Variants in SDK1 observed in about 807,000 individuals in gnomAD.
SDK1 encodes protein sidekick-1.
A neutral mutation model predicts 245.5 loss-of-function variants in SDK1; 157 were observed. The ratio of observed to expected loss-of-function variants is 0.64; its 90% confidence interval spans 0.56 to 0.73. The LOEUF is 0.73. Among genes scored for constraint, SDK1 ranks in the 30% least tolerant of loss-of-function variants. The pLI, the probability that SDK1 is intolerant of heterozygous loss-of-function variation, is 0.00. For missense variants in SDK1, 3,583 were observed against 3,002.3 expected, an observed-to-expected ratio of 1.19 and a Z score of -4.52; for synonymous variants, 1,647 against 1,278.5, an observed-to-expected ratio of 1.29 and a Z score of -6.15.
rs78289472 is a variant in SDK1 at position 3,738,296 on chromosome 7, A to G, written c.714-83154A>G. ...TGCAGTTTTCCCAATGCCATTTACT[A>G]GAGACTGTCCTTTATCCATTGAATG... On this transcript the variant is annotated intron_variant, in intron 4 of 44. Transcript: ENST00000404826. Among the ~76,000 whole-genome samples, 526 of 152,348 alleles carry G rather than the reference A, an allele frequency of 3.5e-3. 5 individuals are homozygous for G. The highest frequency in any genetic ancestry group is 0.012 in the African/African-American group (506 of 41,574).
intron 1 of SDK1, among the ~76,000 whole-genome samples, chr7:3,433,824 C>T (rs1215891931): frequency 6.6e-6 from 1 of 152,170 alleles, no homozygotes; most frequent in Non-Finnish European, 1.5e-5. Flanking sequence ...ACAAGCTTGA[C>T]AACCTTACAG....
rs560908580 is a variant in SDK1, at chr7:3,814,697, C to G, written c.714-6753C>G. 7.5e-3 allele frequency among the ~76,000 whole-genome samples: 1,138 copies of G among 151,822 alleles called. 37 individuals are homozygous for G. The highest frequency in any genetic ancestry group is 0.019 in the East Asian group (95 of 5,132). On this transcript the variant is annotated intron_variant, in intron 4 of 44. Coordinates refer to ENST00000404826, the MANE Select transcript of SDK1 (RefSeq NM_152744.4). ...GGATGGCATTGAATCTGTAAATTAC[C>G]TTGGGCAGTATGGCCATTTTCACGA...
rs180935195 is a variant in SDK1, at chr7:3,600,585, C to T, written c.299-18495C>T. On this transcript the variant is annotated intron_variant, in intron 1 of 44. Transcript: ENST00000404826. ...TTTTTTTTTTTTTGAGATGGAGTCT[C>T]GCCCTGTTGCCTAGGCTGGAGTGCA... Among the ~76,000 whole-genome samples, 338 of 132,028 alleles carry T rather than the reference C, an allele frequency of 2.6e-3. 3 individuals carry two copies. Among genetic ancestry groups the T allele is most frequent in the African/African-American group, 9.4e-3 (320 of 34,008 alleles). 86.6% of individuals were successfully genotyped at this position (132,028 alleles called of 152,430 possible).
intron 1 of SDK1, among the ~76,000 whole-genome samples, chr7:3,580,354 A>G (rs956627602): frequency 1.2e-4 from 19 of 152,218 alleles, no homozygotes; most frequent in African/African-American, 4.3e-4. Context: ...AAACAAAAAG[A>G]GCAAAGCTGG....
At chr7:3,423,694 A>G (rs1314531369) in intron 1 of SDK1, among the ~76,000 whole-genome samples, 1 of 151,702 alleles carries the variant, frequency 6.6e-6, no homozygotes, top group Admixed American at 6.6e-5. Flanking sequence ...TTTGCTTTTG[A>G]TATCTGAATG....
At chr7:3,548,475 A>C (rs558378528) in intron 1 of SDK1, among the ~76,000 whole-genome samples, 1 of 152,216 alleles carries the variant, frequency 6.6e-6, no homozygotes, top group Non-Finnish European at 1.5e-5. Flanking sequence ...GAGAGGAGAG[A>C]AACATTTTCT....
intron 1 of SDK1, among the ~76,000 whole-genome samples, chr7:3,505,519 A>G (rs945619262): frequency 3.9e-5 from 6 of 152,158 alleles, no homozygotes; most frequent in African/African-American, 1.4e-4. Flanking sequence ...CCATAGTGCT[A>G]TGGTGATAGG....
Position 3,301,712 on chromosome 7 carries a change from G to C in SDK1, c.126G>C (p.Pro42=). The C allele has an allele frequency of 1.0e-6, 1 of 976,148 alleles. No homozygotes were observed. The highest frequency in any genetic ancestry group is 1.2e-6 in the Non-Finnish European group (1 of 825,496). 60.5% of individuals were successfully genotyped at this position (976,148 alleles called of 1,614,324 possible). Residue 42 remains proline, a synonymous_variant, in exon 1 of 45, where the codon CCG becomes CCC. Transcript: ENST00000404826. Reference sequence around the variant, plus strand: ...GCCGCGCCCGCCCCTCGCTGGCGCCGCGCCCCGGCCCGGAGCCCTCGCGAC... The same window carrying C: ...GCCGCGCCCGCCCCTCGCTGGCGCCCCGCCCCGGCCCGGAGCCCTCGCGAC... ...PPGRARPSLA[P]RPGPEPSRPR...
At chr7:3,748,704 A>G (rs1231741053) in intron 4 of SDK1, among the ~76,000 whole-genome samples, 2 of 152,340 alleles carry the variant, frequency 1.3e-5, no homozygotes, top group East Asian at 3.9e-4. Flanking sequence ...ACCATCACAC[A>G]ATCACAGGGC....
At chr7:4,000,576 C>A (rs1022200315) in intron 14 of SDK1, among the ~76,000 whole-genome samples, 1 of 152,206 alleles carries the variant, frequency 6.6e-6, no homozygotes, top group Non-Finnish European at 1.5e-5. Flanking sequence ...GTCTCCACGC[C>A]GCTCTCCATG....
chr7:3,752,673 C>T lies in SDK1; in HGVS notation c.714-68777C>T, dbSNP rs562394575. On this transcript the variant is annotated intron_variant, in intron 4 of 44. Coordinates refer to ENST00000404826, the MANE Select transcript of SDK1 (RefSeq NM_152744.4). ...TAGTATAATCTTTTTTCCTCATCCTCTAACCCTCAATTCTTAAAACTCCGT... is the reference window on the plus strand; with the variant it reads ...TAGTATAATCTTTTTTCCTCATCCTTTAACCCTCAATTCTTAAAACTCCGT... Among the ~76,000 whole-genome samples, 5 of 152,264 alleles carry T rather than the reference C, an allele frequency of 3.3e-5. No individual in the cohort carries two copies. In the East Asian group the frequency reaches 9.7e-4, roughly 29 times the overall value.
chr7:4,097,592 C>T (rs1255238829), intron 22 of SDK1, among the ~76,000 whole-genome samples: 1 of 152,210 alleles, frequency 6.6e-6, no homozygotes, highest in Non-Finnish European at 1.5e-5. Context: ...CACCTGGCCA[C>T]CTGTTACCTC....
chr7:3,475,792 G>A (rs145707604), intron 1 of SDK1, among the ~76,000 whole-genome samples: 6 of 152,110 alleles, frequency 3.9e-5, no homozygotes, highest in South Asian at 4.2e-4. Flanking sequence ...ACAGATGCAC[G>A]GTTTCATAGT....
chr7:3,601,235 ATGAAT>A (rs1039087555), intron 1 of SDK1, among the ~76,000 whole-genome samples: 4 of 152,184 alleles, frequency 2.6e-5, no homozygotes, highest in African/African-American at 9.6e-5. Flanking sequence ...TCTTCAAGAA[ATGAAT>A]TGGGAGATGT....
At chr7:3,328,143 G>A (rs1779980427) in intron 1 of SDK1, among the ~76,000 whole-genome samples, 1 of 152,042 alleles carries the variant, frequency 6.6e-6, no homozygotes, top group Non-Finnish European at 1.5e-5. Flanking sequence ...AGAATAATGT[G>A]GAAATCTGTA....
chr7:3,779,275 C>G (rs1780654155), intron 4 of SDK1, among the ~76,000 whole-genome samples: 1 of 152,088 alleles, frequency 6.6e-6, no homozygotes, highest in Admixed American at 6.5e-5. Context: ...TACGTTAGGG[C>G]TAGAGTAGTT....
At chr7:4,042,965 G>A (rs1042578821) in intron 17 of SDK1, among the ~76,000 whole-genome samples, 4 of 152,220 alleles carry the variant, frequency 2.6e-5, no homozygotes, top group East Asian at 1.9e-4. Context: ...CAAGGTTGGC[G>A]ATTTTTTGAA....
At chr7:3,814,878 G>A (rs1407585837) in intron 4 of SDK1, among the ~76,000 whole-genome samples, 1 of 151,960 alleles carries the variant, frequency 6.6e-6, no homozygotes, top group Non-Finnish European at 1.5e-5. Context: ...TGAAGCAATT[G>A]TGAATGGGAG....
At chr7:3,796,525 C>T (rs573702061) in intron 4 of SDK1, among the ~76,000 whole-genome samples, 10 of 151,904 alleles carry the variant, frequency 6.6e-5, no homozygotes, top group Non-Finnish European at 8.8e-5. Context: ...CCTCTCCCCC[C>T]CAGCCTACAA....
Sources: allele counts gnomAD v4.1 joint callset (sites outside exome capture counted in the v4.1 genomes callset), GRCh38; gene constraint gnomAD v4.1.1; transcripts MANE v1.5; gene names NCBI Gene and HGNC (gene_info 2026-07-23, HGNC 2026-07-21).